The following BAIAP2 variants were observed in gnomAD, a reference collection of about 807,000 sequenced individuals.
BAIAP2 encodes BAR/IMD domain-containing adapter protein 2.
Under a neutral mutation model 63.0 loss-of-function variants are expected in BAIAP2, and 18 were observed. That is an observed-to-expected ratio of 0.29 (90% CI 0.20 to 0.42). The LOEUF is 0.42. BAIAP2 is among the 10% of genes least tolerant of loss of function. The probability of loss-of-function intolerance (pLI) is 1.00; values close to 1 mark genes in which losing one functional copy is unlikely to be tolerated. For synonymous variants in BAIAP2, 386 were observed against 307.6 expected (o/e 1.25, Z -2.67); for missense variants, 610 against 734.3 (o/e 0.83, Z 1.96).
At chr17:81,107,009 G>A in intron 12 of BAIAP2, 102 bp downstream of exon 12, 1 of 1,356,912 alleles carries the variant, frequency 7.4e-7, no homozygotes, top group Admixed American at 2.9e-5. Context: ...GGGCGCCTGG[G>A]GGTCTGGGTC....
At chr17:81,049,559 G>T (rs1038186962) in intron 1 of BAIAP2, among the ~76,000 whole-genome samples, 9 of 152,182 alleles carry the variant, frequency 5.9e-5, no homozygotes, top group African/African-American at 1.9e-4. Flanking sequence ...CCCTGCCCCA[G>T]CACTGTCAGG....
chr17:81,041,045 G>A (rs536518690), intron 1 of BAIAP2, among the ~76,000 whole-genome samples: 42 of 152,346 alleles, frequency 2.8e-4, no homozygotes, highest in Admixed American at 1.7e-3. Flanking sequence ...GCACAGTGGC[G>A]CCCCCAGCAC....
intron 13 of BAIAP2, chr17:81,109,263 T>G (rs1297947107): frequency 7.5e-7 from 1 of 1,327,520 alleles, no homozygotes; most frequent in Non-Finnish European, 9.6e-7. Flanking sequence ...CAGGACCTGC[T>G]GGGCCGTGCG....
At position 81,085,733 on chromosome 17, in the gene BAIAP2, C is replaced by T. The variant is rs773249842; in HGVS notation, c.351+8C>T. 1.9e-5 allele frequency: 31 copies of T among 1,611,260 alleles called. 1 individual carries two copies. The highest frequency in any genetic ancestry group is 2.6e-5 in the Non-Finnish European group (31 of 1,178,418). On this transcript the variant is annotated splice_region_variant and intron_variant, in intron 5 of 13. Transcript: ENST00000428708. ...GACTCCAGGTATCTGAGTGTAAGTG[C>T]ACCCTGGCCGTGCCTGCTGGGCCCT...
chr17:81,104,856 T>C, intron 10 of BAIAP2, 141 bp downstream of exon 10: 5 of 921,180 alleles, frequency 5.4e-6, no homozygotes, highest in East Asian at 2.7e-5. Flanking sequence ...ACCTGGGCAG[T>C]GAGAGCAAGC....
At chr17:81,109,907 G>T (rs140111697) in intron 13 of BAIAP2, 10 of 985,110 alleles carry the variant, frequency 1.0e-5, no homozygotes, top group Non-Finnish European at 1.2e-5. Flanking sequence ...GGGCCCGGCT[G>T]GGGGAGGGCA....
chr17:81,048,560 C>G (rs1029827082), intron 1 of BAIAP2, among the ~76,000 whole-genome samples: 1 of 152,142 alleles, frequency 6.6e-6, no homozygotes, highest in African/African-American at 2.4e-5. Flanking sequence ...ACTGGCCAGG[C>G]CGGCCCGTAG....
chr17:81,080,665 T>G (rs1250062552), intron 3 of BAIAP2, among the ~76,000 whole-genome samples: 1 of 152,230 alleles, frequency 6.6e-6, no homozygotes, highest in Admixed American at 6.5e-5. Flanking sequence ...GTGTAGCCTT[T>G]TAGGGGAACA....
intron 6 of BAIAP2, among the ~76,000 whole-genome samples, chr17:81,090,390 C>T (rs1001743408): frequency 2.6e-5 from 4 of 152,252 alleles, no homozygotes; most frequent in African/African-American, 9.6e-5. Flanking sequence ...CGCCTCCTTC[C>T]TCTGTCAATG....
chr17:81,103,770 C>T (rs1445910811), intron 8 of BAIAP2, 47 bp downstream of exon 8: 2 of 1,495,096 alleles, frequency 1.3e-6, no homozygotes, highest in African/African-American at 1.4e-5. Flanking sequence ...GGTGGGAGGG[C>T]AGCTTGTTGT....
intron 7 of BAIAP2, among the ~76,000 whole-genome samples, chr17:81,100,817 G>T (rs2058380934): frequency 6.6e-6 from 1 of 152,106 alleles, no homozygotes; most frequent in Admixed American, 6.5e-5. Flanking sequence ...TGGCCTCCCT[G>T]GGACTCAAAC....
chr17:81,047,903 C>G (rs541507327), intron 1 of BAIAP2, among the ~76,000 whole-genome samples: 39 of 152,394 alleles, frequency 2.6e-4, no homozygotes, highest in Admixed American at 2.1e-3. Context: ...TATGTGCATG[C>G]ATGGGTCCAT....
Position 81,110,793 on chromosome 17 carries a change from C to T in BAIAP2, c.1535+2284C>T, listed in dbSNP as rs188965182. 4.2e-4 allele frequency: 574 copies of T among 1,367,538 alleles called. 2 individuals carry two copies. The African/African-American group carries it at 6.7e-3, about 16-fold the overall frequency. 84.7% of individuals were successfully genotyped at this position (1,367,538 alleles called of 1,614,324 possible). On this transcript the variant is annotated intron_variant, in intron 13 of 13. Coordinates refer to ENST00000428708, the MANE Select transcript of BAIAP2 (RefSeq NM_001144888.2). ...GAGAGCCAGAGCCCCAGCTGTGTGC[C>T]GACTCCGAGTGCTCCAGGGTTCTAG...
rs147363538 is a variant in BAIAP2 at position 81,101,993 on chromosome 17, G to A, written c.643-1509G>A. ...GGGAGTGAGAGCGGGGCTGTCAGTG[G>A]CTGGGGTGCTGCCTGCAGGGATGGA... On this transcript the variant is annotated intron_variant, in intron 7 of 13. Transcript: ENST00000428708. Among the ~76,000 whole-genome samples, 1,301 of 152,330 alleles carry A rather than the reference G, an allele frequency of 8.5e-3. 16 individuals are homozygous for A. Among genetic ancestry groups the A allele is most frequent in the South Asian group, 0.045 (217 of 4,832 alleles).
intron 7 of BAIAP2, 124 bp from the exon 8 acceptor site, chr17:81,103,378 G>A: frequency 2.2e-6 from 2 of 928,164 alleles, no homozygotes; most frequent in Non-Finnish European, 3.2e-6. Flanking sequence ...TCGCCGAGAG[G>A]TACCACCTGG....
chr17:81,110,875 C>A (rs1315743554), intron 13 of BAIAP2: 2 of 1,613,406 alleles, frequency 1.2e-6, no homozygotes, highest in Non-Finnish European at 1.7e-6. Flanking sequence ...GTCCTCAGAC[C>A]CCATGCTGCC....
chr17:81,110,828 C>T, intron 13 of BAIAP2: 5 of 1,541,470 alleles, frequency 3.2e-6, no homozygotes, highest in Non-Finnish European at 3.6e-6. Context: ...GGTCTCCTGG[C>T]AGCTCGCCCG....
rs73367930 is a variant in BAIAP2 at position 81,106,446 on chromosome 17, C to T, written c.1338-299C>T. 7.3e-3 allele frequency among the ~76,000 whole-genome samples: 1,118 copies of T among 152,214 alleles called. 16 individuals carry two copies. The highest frequency in any genetic ancestry group is 0.025 in the African/African-American group (1,058 of 41,580). ...CTGGCTGTCCCAGGTCCTCCAGGTT[C>T]TCCCAGCCTTCAGAGAATCGCAGCT... is the stretch of plus-strand genomic sequence containing the variant. On this transcript the variant is annotated intron_variant, in intron 11 of 13. Coordinates refer to ENST00000428708, the MANE Select transcript of BAIAP2 (RefSeq NM_001144888.2).
intron 1 of BAIAP2, among the ~76,000 whole-genome samples, chr17:81,040,441 T>C (rs547915007): frequency 7.2e-5 from 11 of 152,346 alleles, no homozygotes; most frequent in Admixed American, 2.6e-4. Context: ...TGGCTGTGCC[T>C]GTACAGCTGC....
Sources: gnomAD v4.1 joint callset for allele counts (sites outside exome capture counted in the v4.1 genomes callset) on GRCh38, gnomAD v4.1.1 for gene constraint, MANE v1.5 for transcripts, NCBI Gene and HGNC (gene_info 2026-07-23, HGNC 2026-07-21) for gene names.